Variants in MEIS1 observed in about 807,000 individuals in gnomAD.
MEIS1 encodes the protein Meis homeobox 1.
In MEIS1, 5 loss-of-function variants were observed where a neutral mutation model predicts 50.8. The observed-to-expected ratio is 0.10, with a 90% CI of 0.05 to 0.21. The LOEUF is 0.21. MEIS1 is among the 10% of genes least tolerant of loss of function. The pLI is 1.00. For missense variants in MEIS1, 318 were observed against 517.3 expected, an observed-to-expected ratio of 0.61 and a Z score of 3.74; for synonymous variants, 176 against 179.3, an observed-to-expected ratio of 0.98 and a Z score of 0.15.
At chr2:66,506,871 C>T (rs1673695856) in intron 7 of MEIS1, among the ~76,000 whole-genome samples, 1 of 152,042 alleles carries the variant, frequency 6.6e-6, no homozygotes, top group African/African-American at 2.4e-5. Context: ...TCCTAATAAC[C>T]CTGGACATCA....
At chr2:66,547,407 T>C (rs1324398363) in intron 8 of MEIS1, among the ~76,000 whole-genome samples, 2 of 152,066 alleles carry the variant, frequency 1.3e-5, no homozygotes, top group African/African-American at 4.8e-5. Flanking sequence ...TTTTTTTTGC[T>C]GAGGACTGAA....
At chr2:66,500,045 T>A (rs1673511445) in intron 7 of MEIS1, among the ~76,000 whole-genome samples, 1 of 152,142 alleles carries the variant, frequency 6.6e-6, no homozygotes, top group Admixed American at 6.5e-5. Context: ...ATCTTATACT[T>A]TTACAAAGCT....
chr2:66,550,720 A>C (rs777601923), intron 9 of MEIS1, among the ~76,000 whole-genome samples: 30 of 151,932 alleles, frequency 2.0e-4, no homozygotes, highest in Non-Finnish European at 3.7e-4. Context: ...CTGGTCTCTA[A>C]CTCCAGGGCT....
At chr2:66,497,273 A>T (rs1332225719) in intron 7 of MEIS1, among the ~76,000 whole-genome samples, 1 of 152,192 alleles carries the variant, frequency 6.6e-6, no homozygotes, top group African/African-American at 2.4e-5. Flanking sequence ...ATCCACAAGG[A>T]TTTGTATTCC....
intron 5 of MEIS1, among the ~76,000 whole-genome samples, chr2:66,442,421 A>G (rs1353540725): frequency 6.6e-6 from 1 of 152,028 alleles, no homozygotes; most frequent in Non-Finnish European, 1.5e-5. Flanking sequence ...AAAAACCTTC[A>G]TTACAAATAT....
chr2:66,509,053 A>G (rs1673758629), intron 7 of MEIS1: 1 of 471,660 alleles, frequency 2.1e-6, no homozygotes, highest in Admixed American at 2.3e-5. Flanking sequence ...AAAGTAAAAA[A>G]GGAAAGAAAT....
chr2:66,534,691 T>C (rs1440109627), intron 8 of MEIS1, among the ~76,000 whole-genome samples: 1 of 152,170 alleles, frequency 6.6e-6, no homozygotes, highest in Non-Finnish European at 1.5e-5. Flanking sequence ...AAGAACTCAT[T>C]TAGGAAGGGA....
At chr2:66,474,114 A>G (rs901217717) in intron 7 of MEIS1, among the ~76,000 whole-genome samples, 3 of 151,858 alleles carry the variant, frequency 2.0e-5, no homozygotes, top group Non-Finnish European at 2.9e-5. Context: ...AATACCTTCT[A>G]TCCTCAGTTG....
chr2:66,502,065 C>T (rs144462421), intron 7 of MEIS1, among the ~76,000 whole-genome samples: 160 of 152,138 alleles, frequency 1.1e-3, no homozygotes, highest in African/African-American at 3.8e-3. Flanking sequence ...GGTGGAAATC[C>T]CTGACTTATA....
chr2:66,509,048 A>G (rs920036013), intron 7 of MEIS1: 13 of 471,462 alleles, frequency 2.8e-5, no homozygotes, highest in African/African-American at 6.0e-5. Flanking sequence ...TCTCAAAAGT[A>G]AAAAAGGAAA....
intron 7 of MEIS1, among the ~76,000 whole-genome samples, chr2:66,489,234 C>A (rs556804784): frequency 2.6e-4 from 39 of 152,148 alleles, no homozygotes; most frequent in Non-Finnish European, 2.5e-4. Context: ...GGACATATTA[C>A]CAAGAAAAAC....
intron 7 of MEIS1, among the ~76,000 whole-genome samples, chr2:66,483,292 C>T (rs964841313): frequency 8.1e-5 from 12 of 147,674 alleles, no homozygotes; most frequent in Non-Finnish European, 1.6e-4. Context: ...AGGCAGGTCT[C>T]GAACTCCTGA....
intron 1 of MEIS1, 163 bp from the exon 2 acceptor site, chr2:66,437,574 T>G (rs746890881): frequency 4.0e-5 from 26 of 644,416 alleles, no homozygotes; most frequent in Non-Finnish European, 7.2e-5. Flanking sequence ...ACTTAAAGCT[T>G]TAATTTTAAA....
At chr2:66,508,105 T>C (rs1275924903) in intron 7 of MEIS1, among the ~76,000 whole-genome samples, 1 of 152,256 alleles carries the variant, frequency 6.6e-6, no homozygotes, top group Non-Finnish European at 1.5e-5. Context: ...ATATAGTGCA[T>C]GGTTTTGATA....
chr2:66,568,995 T>G, intron 11 of MEIS1, 55 bp from the exon 12 acceptor site: 5 of 1,492,086 alleles, frequency 3.4e-6, no homozygotes, highest in Non-Finnish European at 4.7e-6. Context: ...TTTGGCACTA[T>G]CTGTTGACTT....
chr2:66,565,874 T>G (rs529502741), intron 9 of MEIS1, among the ~76,000 whole-genome samples: 2 of 152,308 alleles, frequency 1.3e-5, no homozygotes, highest in South Asian at 4.1e-4. Flanking sequence ...AATAATTTTC[T>G]AATTGGTCAT....
At chr2:66,487,471 A>G (rs1001462012) in intron 7 of MEIS1, among the ~76,000 whole-genome samples, 1 of 152,202 alleles carries the variant, frequency 6.6e-6, no homozygotes, top group African/African-American at 2.4e-5. Context: ...CTATACCTAT[A>G]TTCCCCATCA....
intron 6 of MEIS1, among the ~76,000 whole-genome samples, chr2:66,462,524 G>A (rs566648514): frequency 6.6e-6 from 1 of 152,266 alleles, no homozygotes; most frequent in East Asian, 1.9e-4. Flanking sequence ...GAGGCACCGG[G>A]GTTTTGTGCC....
intron 9 of MEIS1, among the ~76,000 whole-genome samples, chr2:66,555,340 G>A (rs1675034793): frequency 8.0e-6 from 1 of 125,598 alleles, no homozygotes; most frequent in African/African-American, 3.1e-5. Flanking sequence ...CCAAGCATAC[G>A]TGGAAGAACC....
Sources: allele counts gnomAD v4.1 joint callset (sites outside exome capture counted in the v4.1 genomes callset), GRCh38; gene constraint gnomAD v4.1.1; transcripts MANE v1.5; gene names NCBI Gene and HGNC (gene_info 2026-07-23, HGNC 2026-07-21).